GLRA3: variants seen among roughly 807,000 people sequenced by gnomAD.
GLRA3 encodes glycine receptor subunit alpha-3.
In GLRA3, 44 loss-of-function variants were observed where a neutral mutation model predicts 60.4. The observed-to-expected ratio is 0.73, with a 90% CI of 0.57 to 0.94. The LOEUF (loss-of-function observed/expected upper bound fraction) is 0.94. Ranked by LOEUF, GLRA3 falls within the 40% of genes least tolerant of loss-of-function variation. GLRA3 has a pLI of 0.00. For synonymous variants in GLRA3, 223 were observed against 192.9 expected (o/e 1.16, Z -1.29); for missense variants, 508 against 564.6 (o/e 0.90, Z 1.02).
At chr4:174,767,151 CA>C in intron 2 of GLRA3, 121 bp from the exon 3 acceptor site, 1 of 562,066 alleles carries the variant, frequency 1.8e-6, no homozygotes. Flanking sequence ...CACACACACA[CA>C]CACAGATGCT....
At chr4:174,683,739 A>T (rs1364580471) in intron 5 of GLRA3, among the ~76,000 whole-genome samples, 1 of 152,190 alleles carries the variant, frequency 6.6e-6, no homozygotes, top group Non-Finnish European at 1.5e-5. Flanking sequence ...TGTTAATTTT[A>T]CTTCTGCTGT....
At chr4:174,721,437 T>C (rs1471736110) in intron 4 of GLRA3, among the ~76,000 whole-genome samples, 1 of 151,492 alleles carries the variant, frequency 6.6e-6, no homozygotes, top group Non-Finnish European at 1.5e-5. Flanking sequence ...TATAACTTTT[T>C]GTTATATATA....
rs1458631108 is a variant in GLRA3, at chr4:174,640,423, A to G, written c.*3363T>C. 1 of 152,138 alleles carries G rather than the reference A, an allele frequency of 6.6e-6. No homozygotes were observed. Among genetic ancestry groups the G allele is most frequent in the Non-Finnish European group, 1.5e-5 (1 of 67,988 alleles). The allele number at this position is 152,138 out of a possible 1,614,324, so 9.4% of individuals were successfully genotyped here. ...ATGAAATAAAAATTTAGCTGCCAGT[A>G]TAATATTCAGTCCTCCCAAGTAACC... On this transcript the variant is annotated 3_prime_UTR_variant, in exon 10 of 10. Transcript: ENST00000274093.
At chr4:174,758,535 C>G (rs1469767699) in intron 3 of GLRA3, among the ~76,000 whole-genome samples, 1 of 152,086 alleles carries the variant, frequency 6.6e-6, no homozygotes, top group Non-Finnish European at 1.5e-5. Context: ...CCTGTGGAAA[C>G]ATGGCAACTA....
At chr4:174,719,248 C>G (rs1032447656) in intron 4 of GLRA3, among the ~76,000 whole-genome samples, 2 of 152,086 alleles carry the variant, frequency 1.3e-5, no homozygotes, top group Admixed American at 6.6e-5. Flanking sequence ...CAGGCGTGAG[C>G]CACCGCGCCC....
intron 1 of GLRA3, among the ~76,000 whole-genome samples, chr4:174,822,366 A>G (rs1464641593): frequency 1.3e-5 from 2 of 152,212 alleles, no homozygotes; most frequent in African/African-American, 2.4e-5. Context: ...ATGAACAGGA[A>G]GGTCATCATA....
intron 6 of GLRA3, among the ~76,000 whole-genome samples, chr4:174,681,513 G>C (rs779998485): frequency 2.0e-5 from 3 of 152,156 alleles, no homozygotes; most frequent in Non-Finnish European, 2.9e-5. Context: ...ACACACAGGG[G>C]AATCCCATGT....
rs1192390647 is a variant in GLRA3 at position 174,640,654 on chromosome 4, T to C, written c.*3132A>G. ...AGTTAAACATTTAGATTATTCATTT[T>C]TTTTTCTAAAATTTCCCTTACCTTC... On this transcript the variant is annotated 3_prime_UTR_variant, in exon 10 of 10. Transcript: ENST00000274093. The C allele has an allele frequency of 6.6e-6, 1 of 152,072 alleles. No homozygotes were observed. Among genetic ancestry groups the C allele is most frequent in the African/African-American group, 2.4e-5 (1 of 41,444 alleles). The allele number at this position is 152,072 out of a possible 1,614,324, so 9.4% of individuals were successfully genotyped here.
intron 2 of GLRA3, among the ~76,000 whole-genome samples, chr4:174,782,139 C>T (rs1738903801): frequency 6.8e-6 from 1 of 146,704 alleles, no homozygotes; most frequent in Admixed American, 6.8e-5. Flanking sequence ...GGGCTTCATC[C>T]CTGGGATGCA....
At chr4:174,660,937 T>C (rs1733409100) in intron 7 of GLRA3, among the ~76,000 whole-genome samples, 1 of 152,196 alleles carries the variant, frequency 6.6e-6, no homozygotes, top group South Asian at 2.1e-4. Flanking sequence ...CATATATCCG[T>C]TTGACAAGTC....
chr4:174,736,428 T>C (rs1167887816), intron 3 of GLRA3, among the ~76,000 whole-genome samples: 4 of 152,086 alleles, frequency 2.6e-5, no homozygotes, highest in Non-Finnish European at 4.4e-5. Context: ...TTTCACAACA[T>C]TTTTTTCACC....
chr4:174,814,643 G>A (rs958809855), intron 1 of GLRA3, among the ~76,000 whole-genome samples: 2 of 152,222 alleles, frequency 1.3e-5, no homozygotes, highest in African/African-American at 2.4e-5. Context: ...AGCAAGTCAT[G>A]TCTTACATAG....
intron 5 of GLRA3, among the ~76,000 whole-genome samples, chr4:174,714,650 C>T (rs1263553226): frequency 1.3e-5 from 2 of 152,146 alleles, no homozygotes; most frequent in East Asian, 1.9e-4. Context: ...GTCTGAGGCT[C>T]GGCCTTCAAA....
chr4:174,662,262 A>T (rs947377310), intron 7 of GLRA3, among the ~76,000 whole-genome samples: 9 of 152,202 alleles, frequency 5.9e-5, no homozygotes, highest in Non-Finnish European at 1.3e-4. Flanking sequence ...AGTATTAGAA[A>T]TAAAAATGAG....
At chr4:174,819,132 T>C (rs1241585075) in intron 1 of GLRA3, among the ~76,000 whole-genome samples, 5 of 152,212 alleles carry the variant, frequency 3.3e-5, no homozygotes, top group African/African-American at 1.2e-4. Context: ...AACAAACTGA[T>C]TTTAAATGAT....
chr4:174,647,081 C>T (rs1027353874), intron 9 of GLRA3, among the ~76,000 whole-genome samples: 2 of 152,130 alleles, frequency 1.3e-5, no homozygotes, highest in Admixed American at 6.6e-5. Context: ...AGGAAAGTGG[C>T]TCAAGAGACA....
chr4:174,677,007 C>G (rs1249809590), intron 7 of GLRA3, 71 bp downstream of exon 7: 1 of 927,794 alleles, frequency 1.1e-6, no homozygotes, highest in Non-Finnish European at 1.7e-6. Flanking sequence ...CTGACCAAAG[C>G]TGACAATGAT....
rs995757469 is a variant in GLRA3 at position 174,639,937 on chromosome 4, G to A, written c.*3849C>T. The A allele has an allele frequency of 2.0e-5, 3 of 151,986 alleles. No homozygotes were observed. The South Asian group carries it at 6.2e-4, about 32-fold the overall frequency. The allele number at this position is 151,986 out of a possible 1,614,324, so 9.4% of individuals were successfully genotyped here. A position where few individuals can be genotyped will look rare whatever the true frequency, so the allele number is the denominator to read the frequency against. The stretch of plus-strand genomic sequence containing the variant: ...CTTATACAGGTACAAGATGCAATGG[G>A]TATTATGGGTACTTTATTTGCAAGA... On this transcript the variant is annotated 3_prime_UTR_variant, in exon 10 of 10. Coordinates refer to ENST00000274093, the MANE Select transcript of GLRA3 (RefSeq NM_006529.4).
chr4:174,716,193 G>A (rs766019627), intron 4 of GLRA3, among the ~76,000 whole-genome samples: 17 of 152,066 alleles, frequency 1.1e-4, no homozygotes, highest in African/African-American at 3.6e-4. Context: ...TGAAAAGTTC[G>A]GCCTCATGTT....
Sources: allele counts gnomAD v4.1 joint callset (sites outside exome capture counted in the v4.1 genomes callset), GRCh38; gene constraint gnomAD v4.1.1; transcripts MANE v1.5; gene names NCBI Gene and HGNC (gene_info 2026-07-23, HGNC 2026-07-21).